The following SPCS2 variants were observed in gnomAD, a reference collection of about 807,000 sequenced individuals.
The protein encoded by SPCS2 is SPase 25 kDa subunit.
A neutral mutation model predicts 22.3 loss-of-function variants in SPCS2; 3 were observed. The ratio of observed to expected loss-of-function variants is 0.13; its 90% CI spans 0.06 to 0.35. SPCS2 has a LOEUF of 0.35. SPCS2 is among the 10% of genes least tolerant of loss of function. The pLI, the probability that SPCS2 is intolerant of heterozygous loss-of-function variation, is 1.00. For synonymous variants in SPCS2, 67 were observed against 97.2 expected (o/e 0.69, Z 1.83); for missense variants, 169 against 280.9 (o/e 0.60, Z 2.85).
intron 1 of SPCS2, among the ~76,000 whole-genome samples, chr11:74,961,056 G>T (rs952245740): frequency 6.7e-6 from 1 of 150,360 alleles, no homozygotes; most frequent in Non-Finnish European, 1.5e-5. Context: ...AAAAGCTATT[G>T]AGAGTATATT....
chr11:74,963,088 T>C (rs1375046347), intron 1 of SPCS2, among the ~76,000 whole-genome samples: 2 of 152,270 alleles, frequency 1.3e-5, no homozygotes, highest in South Asian at 2.1e-4. Flanking sequence ...ATTCAAATGC[T>C]ATGGTGGATT....
intron 4 of SPCS2, among the ~76,000 whole-genome samples, chr11:74,972,989 A>G (rs937424485): frequency 2.0e-5 from 3 of 151,988 alleles, no homozygotes; most frequent in Admixed American, 2.0e-4. Context: ...AACATCGCAT[A>G]TTCTCACTCA....
At chr11:74,962,823 T>G (rs981110030) in intron 1 of SPCS2, among the ~76,000 whole-genome samples, 1 of 152,232 alleles carries the variant, frequency 6.6e-6, no homozygotes, top group Admixed American at 6.5e-5. Context: ...TCTTTTCCAC[T>G]TACTGAAGAT....
chr11:74,949,575 A>G (rs948656380), intron 1 of SPCS2, 176 bp downstream of exon 1: 3 of 677,740 alleles, frequency 4.4e-6, no homozygotes, highest in African/African-American at 1.8e-5. Flanking sequence ...TCACACTTCA[A>G]ACCTGGACCC....
chr11:74,955,743 G>C (rs540845249), intron 1 of SPCS2, among the ~76,000 whole-genome samples: 59 of 150,604 alleles, frequency 3.9e-4, no homozygotes, highest in Non-Finnish European at 6.8e-4. Flanking sequence ...CTTTCCTGGA[G>C]TAACCCTTAA....
At position 74,977,278 on chromosome 11, in the gene SPCS2, T is replaced by C; in HGVS notation, c.*235T>C. 1 of 261,080 alleles carries C rather than the reference T, an allele frequency of 3.8e-6. No homozygotes were observed. Among genetic ancestry groups the C allele is most frequent in the Non-Finnish European group, 7.3e-6 (1 of 137,246 alleles). The allele number at this position is 261,080 out of a possible 1,614,324, so 16.2% of individuals were successfully genotyped here. A position where few individuals can be genotyped will look rare whatever the true frequency, so the allele number is the denominator to read the frequency against. ...GATCTGCTGATTGCATTATTTTAATTTGCTTTTCTGGGAAAGCAGTTTTGC... is the reference window on the plus strand; with the variant it reads ...GATCTGCTGATTGCATTATTTTAATCTGCTTTTCTGGGAAAGCAGTTTTGC... On this transcript the variant is annotated 3_prime_UTR_variant, in exon 5 of 5. Coordinates refer to ENST00000263672, the MANE Select transcript of SPCS2 (RefSeq NM_014752.3).
chr11:74,949,722 T>C (rs1428093635), intron 1 of SPCS2: 1 of 457,466 alleles, frequency 2.2e-6, no homozygotes, highest in African/African-American at 2.0e-5. Flanking sequence ...CTGTTGTCAG[T>C]GCCCATTTCA....
intron 1 of SPCS2, among the ~76,000 whole-genome samples, chr11:74,950,967 G>C (rs967622253): frequency 2.0e-5 from 3 of 152,154 alleles, no homozygotes; most frequent in Non-Finnish European, 4.4e-5. Flanking sequence ...CTTCCCTCTT[G>C]CTAGGTAAGC....
At chr11:74,974,732 A>G (rs1162744291) in intron 4 of SPCS2, among the ~76,000 whole-genome samples, 1 of 152,136 alleles carries the variant, frequency 6.6e-6, no homozygotes, top group African/African-American at 2.4e-5. Context: ...CTCCTGCCTC[A>G]GCCTCCCAAA....
chr11:74,959,950 C>T (rs541965896), intron 1 of SPCS2, among the ~76,000 whole-genome samples: 1 of 152,306 alleles, frequency 6.6e-6, no homozygotes, highest in South Asian at 2.1e-4. Flanking sequence ...AGAAACGTAA[C>T]TGAAATGATT....
intron 4 of SPCS2, among the ~76,000 whole-genome samples, chr11:74,970,280 T>C (rs1948577056): frequency 6.6e-6 from 1 of 152,226 alleles, no homozygotes; most frequent in East Asian, 1.9e-4. Flanking sequence ...AAATGATGCC[T>C]AGAGTTTCTG....
chr11:74,973,027 A>G (rs1352619904), intron 4 of SPCS2, among the ~76,000 whole-genome samples: 1 of 152,128 alleles, frequency 6.6e-6, no homozygotes, highest in Non-Finnish European at 1.5e-5. Flanking sequence ...ATGAGATCAC[A>G]TGGACACAGG....
chr11:74,961,397 T>G (rs1565485723), intron 1 of SPCS2, among the ~76,000 whole-genome samples: 1 of 152,218 alleles, frequency 6.6e-6, no homozygotes, highest in Non-Finnish European at 1.5e-5. Flanking sequence ...AAGTGAGGAT[T>G]AAAATAAAGT....
chr11:74,958,754 T>C (rs368040352), intron 1 of SPCS2, among the ~76,000 whole-genome samples: 3 of 152,260 alleles, frequency 2.0e-5, no homozygotes, highest in African/African-American at 7.2e-5. Flanking sequence ...TTATAACTAG[T>C]CTGTTACTAA....
At chr11:74,955,517 ATTG>A (rs1289495298) in intron 1 of SPCS2, among the ~76,000 whole-genome samples, 1 of 152,052 alleles carries the variant, frequency 6.6e-6, no homozygotes, top group African/African-American at 2.4e-5. Flanking sequence ...CAGAAAGTAG[ATTG>A]TTGGCTGCCC....
At chr11:74,959,081 T>C (rs1407896938) in intron 1 of SPCS2, among the ~76,000 whole-genome samples, 1 of 152,212 alleles carries the variant, frequency 6.6e-6, no homozygotes, top group Non-Finnish European at 1.5e-5. Context: ...TTCTGTCTAC[T>C]TTCTAAACTG....
intron 1 of SPCS2, among the ~76,000 whole-genome samples, chr11:74,954,831 G>A (rs1948467626): frequency 6.6e-6 from 1 of 151,980 alleles, no homozygotes; most frequent in Non-Finnish European, 1.5e-5. Flanking sequence ...ATCTGATAAG[G>A]GTCTAGCATC....
chr11:74,961,734 G>A (rs12273763), intron 1 of SPCS2, among the ~76,000 whole-genome samples: 1,746 of 152,068 alleles, frequency 0.011, 45 homozygotes, highest in African/African-American at 0.04. Context: ...CACAATGTTG[G>A]CCAGGCTGGT....
At position 74,949,301 on chromosome 11, in the gene SPCS2, G is replaced by A; in HGVS notation, c.16G>A (p.Val6Ile). 6.5e-7 allele frequency: 1 copy of A among 1,549,390 alleles called. No individual in the cohort carries two copies. Among genetic ancestry groups the A allele is most frequent in the Non-Finnish European group, 8.7e-7 (1 of 1,146,292 alleles). The change falls in exon 1 of 5, where the codon GTA becomes ATA. Residue 6 changes from valine to isoleucine, a missense_variant. Val to Ile is a conservative substitution (Grantham distance 29). Transcript: ENST00000263672. MAAAA[V>I]QGGRSGGSGG... is the part of the protein sequence containing the mutation. Reference sequence around the variant, plus strand: ...GGCGGACAAGATGGCGGCGGCAGCTGTACAGGGCGGGAGAAGCGGTGGTAG... The same window carrying A: ...GGCGGACAAGATGGCGGCGGCAGCTATACAGGGCGGGAGAAGCGGTGGTAG...
Sources: allele counts gnomAD v4.1 joint callset (sites outside exome capture counted in the v4.1 genomes callset), GRCh38; gene constraint gnomAD v4.1.1; transcripts MANE v1.5; gene names NCBI Gene and HGNC (gene_info 2026-07-23, HGNC 2026-07-21).